Variants in IL1RAPL1 observed in about 807,000 individuals in gnomAD.
IL1RAPL1 encodes interleukin-1 receptor accessory protein-like 1.
In IL1RAPL1, 3 loss-of-function variants were observed where a neutral mutation model predicts 48.4. The observed-to-expected ratio is 0.06, with a 90% CI of 0.03 to 0.16. IL1RAPL1 has a LOEUF of 0.16. IL1RAPL1 is among the 10% of genes least tolerant of loss of function. The pLI, the probability that IL1RAPL1 is intolerant of heterozygous loss-of-function variation, is 1.00. For synonymous variants in IL1RAPL1, 185 were observed against 187.7 expected (o/e 0.99, Z 0.12); for missense variants, 349 against 530.6 (o/e 0.66, Z 3.36).
chrX:28,697,606 A>G (rs974772912), intron 1 of IL1RAPL1, among the ~76,000 whole-genome samples: 34 of 111,734 alleles, frequency 3.0e-4, no homozygotes, highest in Non-Finnish European at 5.3e-4. Context: ...GATTTAAAGC[A>G]TAATTTATCA....
intron 8 of IL1RAPL1, among the ~76,000 whole-genome samples, chrX:29,932,137 A>ATGGGG (rs1932958012): frequency 8.9e-6 from 1 of 112,171 alleles, no homozygotes; most frequent in Non-Finnish European, 1.9e-5. Flanking sequence ...TCTGAGATAA[A>ATGGGG]GGAAGCCCCA....
chrX:29,067,343 C>G (rs1206858543), intron 2 of IL1RAPL1, among the ~76,000 whole-genome samples: 1 of 112,211 alleles, frequency 8.9e-6, no homozygotes, highest in African/African-American at 3.2e-5. Flanking sequence ...AAATAGCAAA[C>G]TCTCAAAACA....
chrX:28,632,387 T>G lies in IL1RAPL1; in HGVS notation c.-25+44340T>G, dbSNP rs1934410663. Among the ~76,000 whole-genome samples the G allele has an allele frequency of 2.7e-5, 3 of 111,846 alleles. No homozygotes were observed. In the South Asian group the frequency reaches 1.1e-3, roughly 41 times the overall value. ...TAATTACCTCTTTAAAAGCCCTGTTTCCAAATACAGTTACATTGGTGGGTA... is the reference window on the plus strand; with the variant it reads ...TAATTACCTCTTTAAAAGCCCTGTTGCCAAATACAGTTACATTGGTGGGTA... On this transcript the variant is annotated intron_variant, in intron 1 of 10. Transcript: ENST00000378993.
intron 5 of IL1RAPL1, among the ~76,000 whole-genome samples, chrX:29,465,522 T>C (rs774384296): frequency 8.9e-6 from 1 of 112,002 alleles, no homozygotes; most frequent in African/African-American, 3.2e-5. Context: ...AACTATAAAC[T>C]GATGGTTCCC....
At chrX:29,282,089 T>C (rs1377081978) in intron 2 of IL1RAPL1, among the ~76,000 whole-genome samples, 1 of 110,981 alleles carries the variant, frequency 9.0e-6, no homozygotes, top group African/African-American at 3.3e-5. Context: ...CCTAATTACC[T>C]CCCAAAGAAA....
At chrX:28,763,191 T>C (rs1199617109) in intron 1 of IL1RAPL1, among the ~76,000 whole-genome samples, 2 of 111,271 alleles carry the variant, frequency 1.8e-5, no homozygotes, top group African/African-American at 3.3e-5. Flanking sequence ...TAGACTCTTA[T>C]CAATCCAGAG....
chrX:29,617,832 G>GA (rs1200547248), intron 5 of IL1RAPL1, among the ~76,000 whole-genome samples: 2 of 111,823 alleles, frequency 1.8e-5, no homozygotes, highest in Non-Finnish European at 3.8e-5. Flanking sequence ...CATTTCAGTT[G>GA]AAAATCTGTT....
intron 6 of IL1RAPL1, among the ~76,000 whole-genome samples, chrX:29,675,033 G>A (rs747964818): frequency 2.4e-4 from 27 of 112,282 alleles, no homozygotes; most frequent in African/African-American, 6.8e-4. Flanking sequence ...ATGAACATAT[G>A]CATTCATGTG....
chrX:29,527,771 A>G (rs1272867630), intron 5 of IL1RAPL1, among the ~76,000 whole-genome samples: 1 of 112,297 alleles, frequency 8.9e-6, no homozygotes. Flanking sequence ...TATATCACAG[A>G]TAAAGAGTTA....
intron 2 of IL1RAPL1, among the ~76,000 whole-genome samples, chrX:29,049,608 TC>T (rs199766432): frequency 0.01 from 1,168 of 112,085 alleles, 18 homozygotes; most frequent in African/African-American, 0.036. Flanking sequence ...GTAATTACTT[TC>T]TTGTCTCTTC....
rs1925881396 is a variant in IL1RAPL1 at position 29,662,668 on chromosome X, G to A, written c.704-5762G>A. Among the ~76,000 whole-genome samples the A allele has an allele frequency of 2.7e-5, 3 of 112,088 alleles. No homozygotes were observed. The Admixed American group carries it at 2.8e-4, about 11-fold the overall frequency. On this transcript the variant is annotated intron_variant, in intron 5 of 10. Transcript: ENST00000378993. ...AACAAAATACTAAGTATCAAAGCTA[G>A]CCAAATGAATTCCTTGGCTTTCCTA...
chrX:29,195,063 A>T (rs1464767621), intron 2 of IL1RAPL1, among the ~76,000 whole-genome samples: 3 of 111,825 alleles, frequency 2.7e-5, no homozygotes, highest in Non-Finnish European at 3.8e-5. Flanking sequence ...TCAGGGTAGG[A>T]AGAATTATCT....
chrX:29,199,952 T>A (rs770697208), intron 2 of IL1RAPL1, among the ~76,000 whole-genome samples: 6 of 112,079 alleles, frequency 5.4e-5, no homozygotes, highest in South Asian at 3.7e-4. Flanking sequence ...GTTCTACTTT[T>A]TAAATTTTGT....
In IL1RAPL1 at chrX:29,674,674, G is replaced by C. The variant is rs765295472; in HGVS notation, c.778+6170G>C. Among the ~76,000 whole-genome samples, 3 of 111,685 alleles carry C rather than the reference G, an allele frequency of 2.7e-5. No homozygotes were observed. In the East Asian group the frequency reaches 8.5e-4, roughly 31 times the overall value. On this transcript the variant is annotated intron_variant, in intron 6 of 10. Transcript: ENST00000378993. ...GTATAGATTATTTTGTGACCCAGCT[G>C]CTAGTACCCAATAGTTATTTTTTTC...
At chrX:28,912,878 C>T (rs930920999) in intron 2 of IL1RAPL1, among the ~76,000 whole-genome samples, 2 of 111,588 alleles carry the variant, frequency 1.8e-5, no homozygotes, top group African/African-American at 3.2e-5. Context: ...ATGGAATCAT[C>T]AGCAAAAGTT....
chrX:28,766,132 C>T, intron 1 of IL1RAPL1, among the ~76,000 whole-genome samples: 1 of 111,384 alleles, frequency 9.0e-6, no homozygotes, highest in South Asian at 3.7e-4. Context: ...AAAATGAATT[C>T]TACCTTTTTC....
intron 3 of IL1RAPL1, among the ~76,000 whole-genome samples, chrX:29,285,412 A>G (rs1932266632): frequency 9.4e-6 from 1 of 106,467 alleles, no homozygotes; most frequent in South Asian, 4.3e-4. Flanking sequence ...CATGCCTGTA[A>G]TCCCAGCTAC....
intron 2 of IL1RAPL1, among the ~76,000 whole-genome samples, chrX:29,043,604 A>G (rs940631619): frequency 1.8e-5 from 2 of 111,501 alleles, no homozygotes; most frequent in Admixed American, 9.6e-5. Context: ...TCATTTGGGC[A>G]TGAATCATGA....
chrX:29,787,155 A>G (rs1300263869), intron 6 of IL1RAPL1, among the ~76,000 whole-genome samples: 1 of 111,598 alleles, frequency 9.0e-6, no homozygotes, highest in African/African-American at 3.3e-5. Flanking sequence ...AACCTGGGAG[A>G]GGAGCCTTTG....
Sources: allele counts gnomAD v4.1 joint callset (sites outside exome capture counted in the v4.1 genomes callset), GRCh38; gene constraint gnomAD v4.1.1; transcripts MANE v1.5; gene names NCBI Gene and HGNC (gene_info 2026-07-23, HGNC 2026-07-21).